LRRC4C: variants seen among roughly 807,000 people sequenced by gnomAD.
LRRC4C encodes the protein leucine-rich repeat-containing protein 4C.
Under a neutral mutation model 33.6 loss-of-function variants are expected in LRRC4C, and 5 were observed. That is an observed-to-expected ratio of 0.15 (90% confidence interval 0.08 to 0.31). LRRC4C has a LOEUF of 0.31. Among genes scored for constraint, LRRC4C ranks in the 10% least tolerant of loss-of-function variants. The pLI is 1.00. For synonymous variants in LRRC4C, 329 were observed against 302.0 expected, an observed-to-expected ratio of 1.09 and a Z score of -0.93; for missense variants, 560 against 796.7, an observed-to-expected ratio of 0.70 and a Z score of 3.58.
At chr11:41,204,171 C>T (rs184627974) in intron 1 of LRRC4C, among the ~76,000 whole-genome samples, 10 of 152,224 alleles carry the variant, frequency 6.6e-5, no homozygotes, top group African/African-American at 2.2e-4. Context: ...ATTATCCTGG[C>T]CTTCTAAAAA....
chr11:40,516,630 T>A (rs4756595), intron 3 of LRRC4C, among the ~76,000 whole-genome samples: 57,876 of 151,838 alleles, frequency 0.38, 11,816 homozygotes, highest in East Asian at 0.66. Flanking sequence ...TCTGGATAAT[T>A]TTGTATGAAA....
intron 5 of LRRC4C, among the ~76,000 whole-genome samples, chr11:40,166,050 G>A (rs998026650): frequency 3.5e-4 from 54 of 152,184 alleles, no homozygotes; most frequent in African/African-American, 1.3e-3. Flanking sequence ...CTTTAATAAA[G>A]TTGATCATAT....
intron 1 of LRRC4C, among the ~76,000 whole-genome samples, chr11:41,055,707 G>A (rs145667811): frequency 8.2e-4 from 124 of 152,046 alleles, no homozygotes; most frequent in African/African-American, 2.8e-3. Flanking sequence ...CAGACTATAC[G>A]TATGCTTTTG....
At chr11:41,199,528 G>A (rs796552059) in intron 1 of LRRC4C, among the ~76,000 whole-genome samples, 4 of 152,236 alleles carry the variant, frequency 2.6e-5, no homozygotes, top group African/African-American at 9.6e-5. Flanking sequence ...GATTTTGTAG[G>A]CTATGGTAAA....
At chr11:41,157,877 G>A (rs896570872) in intron 1 of LRRC4C, among the ~76,000 whole-genome samples, 1 of 151,734 alleles carries the variant, frequency 6.6e-6, no homozygotes, top group African/African-American at 2.4e-5. Context: ...CATCCCCCAA[G>A]CGTTTATCCA....
At chr11:40,510,382 G>A (rs987954012) in intron 3 of LRRC4C, among the ~76,000 whole-genome samples, 2 of 151,798 alleles carry the variant, frequency 1.3e-5, no homozygotes, top group African/African-American at 4.8e-5. Context: ...AATGGGTCTA[G>A]TTGATTTCGT....
chr11:40,813,493 C>T (rs535154883), intron 2 of LRRC4C, among the ~76,000 whole-genome samples: 1 of 152,168 alleles, frequency 6.6e-6, no homozygotes, highest in South Asian at 2.1e-4. Flanking sequence ...CCACCCTTGA[C>T]ATGTGGGGAT....
chr11:41,383,741 C>T (rs1222781355), intron 1 of LRRC4C, among the ~76,000 whole-genome samples: 1 of 151,246 alleles, frequency 6.6e-6, no homozygotes, highest in Non-Finnish European at 1.5e-5. Context: ...GAAATAAATA[C>T]AAACATTTAA....
intron 1 of LRRC4C, among the ~76,000 whole-genome samples, chr11:41,057,435 A>G (rs1858709239): frequency 6.6e-6 from 1 of 152,196 alleles, no homozygotes; most frequent in South Asian, 2.1e-4. Context: ...AGCAGCAGGA[A>G]GCAGACAGGT....
chr11:41,005,751 T>G (rs1854706604), intron 1 of LRRC4C, among the ~76,000 whole-genome samples: 1 of 152,212 alleles, frequency 6.6e-6, no homozygotes, highest in Non-Finnish European at 1.5e-5. Context: ...AAGCAGATAT[T>G]TGTACTATAT....
chr11:40,668,260 A>G lies in LRRC4C; in HGVS notation c.-406-19982T>C, dbSNP rs544677066. Among the ~76,000 whole-genome samples, 3 of 152,288 alleles carry G rather than the reference A, an allele frequency of 2.0e-5. No individual in the cohort carries two copies. In the South Asian group the frequency reaches 6.2e-4, roughly 32 times the overall value. On this transcript the variant is annotated intron_variant, in intron 2 of 6. Transcript: ENST00000528697. ...TTTCTTGTAAAGTAAATCACACATAATATTTGCTGTAGTTTCCGAGACTAA... is the reference window on the plus strand; with the variant it reads ...TTTCTTGTAAAGTAAATCACACATAGTATTTGCTGTAGTTTCCGAGACTAA...
chr11:40,784,120 A>G (rs1054267892), intron 2 of LRRC4C, among the ~76,000 whole-genome samples: 1 of 152,078 alleles, frequency 6.6e-6, no homozygotes, highest in Non-Finnish European at 1.5e-5. Context: ...AATCCTATGT[A>G]TTATGTTCAT....
intron 3 of LRRC4C, among the ~76,000 whole-genome samples, chr11:40,332,549 C>T (rs145832963): frequency 6.6e-6 from 1 of 152,274 alleles, no homozygotes; most frequent in East Asian, 1.9e-4. Flanking sequence ...ATTCAACTCA[C>T]AACAAGCAAC....
Position 40,991,731 on chromosome 11 carries a change from A to G in LRRC4C, c.-495-58008T>C, listed in dbSNP as rs117249918. On this transcript the variant is annotated intron_variant, in intron 1 of 6. Transcript: ENST00000528697. ...TGGAACCAGAACCCAGATTCCTGGT[A>G]TACACAGTTCACGATAGGGTTTGTG... Among the ~76,000 whole-genome samples, 375 of 152,298 alleles carry G rather than the reference A, an allele frequency of 2.5e-3. 1 individual carries two copies. Among genetic ancestry groups the G allele is most frequent in the Non-Finnish European group, 4.0e-3 (273 of 68,040 alleles).
chr11:41,399,693 A>T lies in LRRC4C; in HGVS notation c.-496+59738T>A, dbSNP rs1274510300. ...AACTTTAATGTCAGTTTTTCACACT[A>T]AGGATTTTTTTTCCTTAAAAATCCA... On this transcript the variant is annotated intron_variant, in intron 1 of 6. Transcript: ENST00000528697. Among the ~76,000 whole-genome samples, 3 of 151,944 alleles carry T rather than the reference A, an allele frequency of 2.0e-5. No individual in the cohort carries two copies. The East Asian group carries it at 5.8e-4, about 29-fold the overall frequency.
intron 4 of LRRC4C, among the ~76,000 whole-genome samples, chr11:40,262,325 G>A (rs557621847): frequency 5.3e-5 from 8 of 152,134 alleles, no homozygotes; most frequent in South Asian, 2.1e-4. Context: ...TTAAAAAGTC[G>A]GGAAACAACA....
intron 5 of LRRC4C, among the ~76,000 whole-genome samples, chr11:40,217,344 G>C (rs1388160204): frequency 6.6e-6 from 1 of 152,008 alleles, no homozygotes; most frequent in African/African-American, 2.4e-5. Context: ...AGTAAATACA[G>C]CTAGTAAATA....
At chr11:40,135,436 A>C (rs1856902712) in intron 6 of LRRC4C, among the ~76,000 whole-genome samples, 1 of 152,192 alleles carries the variant, frequency 6.6e-6, no homozygotes, top group South Asian at 2.1e-4. Context: ...AGTCCCATGG[A>C]AAGTAAAAAC....
chr11:40,235,143 C>T (rs769159205), intron 5 of LRRC4C, among the ~76,000 whole-genome samples: 33 of 152,200 alleles, frequency 2.2e-4, no homozygotes, highest in Non-Finnish European at 4.6e-4. Context: ...GGATTATCCA[C>T]ACATTTAGAA....
Sources: allele counts gnomAD v4.1 joint callset (sites outside exome capture counted in the v4.1 genomes callset), GRCh38; gene constraint gnomAD v4.1.1; transcripts MANE v1.5; gene names NCBI Gene and HGNC (gene_info 2026-07-23, HGNC 2026-07-21).